The following WWOX variants were observed in gnomAD, a reference collection of about 807,000 sequenced individuals.
WWOX encodes WW domain-containing oxidoreductase.
Under a neutral mutation model 46.2 loss-of-function variants are expected in WWOX, and 69 were observed. The ratio of observed to expected loss-of-function variants is 1.49; its 90% confidence interval spans 1.23 to 1.82. The LOEUF (loss-of-function observed/expected upper bound fraction) is 1.82, where lower values mean the gene tolerates loss of function less well. Among genes scored for constraint, WWOX ranks in the 40% most tolerant of loss-of-function variants. The pLI is 0.00. For synonymous variants in WWOX, 359 were observed against 202.6 expected (o/e 1.77, Z -6.56); for missense variants, 919 against 542.6 (o/e 1.69, Z -6.89).
chr16:78,636,316 C>T (rs1445011015), intron 8 of WWOX, among the ~76,000 whole-genome samples: 1 of 152,112 alleles, frequency 6.6e-6, no homozygotes. Flanking sequence ...GACATCACAG[C>T]CAAAGACCCC....
chr16:78,810,367 A>G (rs1299776805), intron 8 of WWOX, among the ~76,000 whole-genome samples: 2 of 152,210 alleles, frequency 1.3e-5, no homozygotes, highest in Non-Finnish European at 2.9e-5. Context: ...ATTTATGTGG[A>G]CACATGCAGC....
intron 8 of WWOX, among the ~76,000 whole-genome samples, chr16:78,589,677 G>C (rs2045305309): frequency 6.6e-6 from 1 of 152,214 alleles, no homozygotes; most frequent in Non-Finnish European, 1.5e-5. Context: ...AAAATACCTG[G>C]ATTGCATCTA....
At chr16:79,008,456 C>G (rs192576916) in intron 8 of WWOX, among the ~76,000 whole-genome samples, 10 of 152,106 alleles carry the variant, frequency 6.6e-5, no homozygotes, top group Admixed American at 5.2e-4. Context: ...CTCAGGGGGG[C>G]AAATTATCCC....
chr16:78,515,495 A>G (rs1169223831), intron 8 of WWOX, among the ~76,000 whole-genome samples: 1 of 152,132 alleles, frequency 6.6e-6, no homozygotes, highest in Non-Finnish European at 1.5e-5. Flanking sequence ...TGTACTGGTC[A>G]TTTCCCCGGA....
At chr16:78,942,603 A>C (rs1410058651) in intron 8 of WWOX, among the ~76,000 whole-genome samples, 1 of 139,712 alleles carries the variant, frequency 7.2e-6, no homozygotes, top group Non-Finnish European at 1.5e-5. Context: ...TTACATTTTA[A>C]AGGTACTTCA....
intron 5 of WWOX, among the ~76,000 whole-genome samples, chr16:78,246,088 C>G (rs865962609): frequency 6.6e-5 from 10 of 152,110 alleles, no homozygotes; most frequent in Admixed American, 5.9e-4. Context: ...CAGATCATCC[C>G]GCTCCCCACC....
At chr16:78,557,689 ATTT>A (rs34068363) in intron 8 of WWOX, among the ~76,000 whole-genome samples, 51 of 96,608 alleles carry the variant, frequency 5.3e-4, no homozygotes, top group African/African-American at 1.9e-3. Flanking sequence ...CTAGGGAAGG[ATTT>A]TTTTTTTTTT....
At position 78,330,585 on chromosome 16, in the gene WWOX, C is replaced by T. The variant is rs181368857; in HGVS notation, c.517-56275C>T. ...CTAATTTTTGTATTTTTAGTGGAGA[C>T]GAGGTTTCACCGTGTTGGCCGGGAT... On this transcript the variant is annotated intron_variant, in intron 5 of 8. Coordinates refer to ENST00000566780, the MANE Select transcript of WWOX (RefSeq NM_016373.4). 1.2e-4 allele frequency among the ~76,000 whole-genome samples: 18 copies of T among 152,236 alleles called. No homozygotes were observed. The East Asian group carries it at 3.1e-3, about 26-fold the overall frequency.
At chr16:78,793,825 C>G (rs369209742) in intron 8 of WWOX, among the ~76,000 whole-genome samples, 2 of 151,978 alleles carry the variant, frequency 1.3e-5, no homozygotes, top group South Asian at 2.1e-4. Context: ...TCTGTAATCC[C>G]AGCACGTTGG....
At chr16:79,028,284 A>G (rs574650262) in intron 8 of WWOX, among the ~76,000 whole-genome samples, 7 of 151,878 alleles carry the variant, frequency 4.6e-5, no homozygotes, top group Non-Finnish European at 7.4e-5. Context: ...TACCTGGCCC[A>G]GTGTCTGGCA....
chr16:79,091,854 C>T (rs1017349598), intron 8 of WWOX, among the ~76,000 whole-genome samples: 1 of 139,762 alleles, frequency 7.2e-6, no homozygotes, highest in Non-Finnish European at 1.5e-5. Context: ...TATCTGGGCT[C>T]ACTGCAACCT....
intron 8 of WWOX, among the ~76,000 whole-genome samples, chr16:78,832,491 C>G (rs1382048871): frequency 1.3e-5 from 2 of 152,146 alleles, no homozygotes; most frequent in African/African-American, 2.4e-5. Flanking sequence ...GGAGGTCTAT[C>G]AAAGAACTTG....
At chr16:79,089,659 G>A (rs1279579886) in intron 8 of WWOX, among the ~76,000 whole-genome samples, 17 of 152,134 alleles carry the variant, frequency 1.1e-4, no homozygotes, top group Non-Finnish European at 1.5e-5. Flanking sequence ...ATAAAAAACA[G>A]GAATGACTTC....
chr16:78,544,524 G>C (rs1295664550), intron 8 of WWOX, among the ~76,000 whole-genome samples: 1 of 152,160 alleles, frequency 6.6e-6, no homozygotes, highest in African/African-American at 2.4e-5. Flanking sequence ...TTCCCATGCA[G>C]AACTGTGTGG....
At chr16:79,079,282 G>A (rs1201010459) in intron 8 of WWOX, among the ~76,000 whole-genome samples, 1 of 152,174 alleles carries the variant, frequency 6.6e-6, no homozygotes, top group Non-Finnish European at 1.5e-5. Context: ...TAGCCCATAA[G>A]TGACTCACGT....
At chr16:78,771,812 T>TAAATAAAG (rs1234617048) in intron 8 of WWOX, among the ~76,000 whole-genome samples, 5 of 135,748 alleles carry the variant, frequency 3.7e-5, no homozygotes, top group Non-Finnish European at 8.1e-5. Flanking sequence ...AATAAATAAA[T>TAAATAAAG]AAGAGTTGGA....
chr16:78,182,508 G>T (rs1011020602), intron 5 of WWOX, among the ~76,000 whole-genome samples: 3 of 151,906 alleles, frequency 2.0e-5, no homozygotes, highest in Non-Finnish European at 4.4e-5. Flanking sequence ...GTGAGTCTCT[G>T]TTCAAGGGTA....
At chr16:78,783,642 C>A (rs2050383274) in intron 8 of WWOX, among the ~76,000 whole-genome samples, 1 of 152,052 alleles carries the variant, frequency 6.6e-6, no homozygotes, top group Non-Finnish European at 1.5e-5. Flanking sequence ...CTGGCATACC[C>A]CATATCTTTT....
At chr16:78,636,839 C>T (rs977205292) in intron 8 of WWOX, among the ~76,000 whole-genome samples, 2 of 152,166 alleles carry the variant, frequency 1.3e-5, no homozygotes, top group African/African-American at 4.8e-5. Flanking sequence ...TTCAGATACG[C>T]TCTTCATGGT....
Sources: gnomAD v4.1 joint callset for allele counts (sites outside exome capture counted in the v4.1 genomes callset) on GRCh38, gnomAD v4.1.1 for gene constraint, MANE v1.5 for transcripts, NCBI Gene and HGNC (gene_info 2026-07-23, HGNC 2026-07-21) for gene names.